Variants in SYT16 observed in about 807,000 individuals in gnomAD.
The protein encoded by SYT16 is synaptotagmin 16, also known as synaptotagmin-16.
A neutral mutation model predicts 61.4 loss-of-function variants in SYT16; 42 were observed. The ratio of observed to expected loss-of-function variants is 0.68; its 90% CI spans 0.53 to 0.89. SYT16 has a LOEUF of 0.89. Ranked by LOEUF, SYT16 falls within the 40% of genes least tolerant of loss-of-function variation. The pLI, the probability that SYT16 is intolerant of heterozygous loss-of-function variation, is 0.00. For missense variants in SYT16, 804 were observed against 807.3 expected, an observed-to-expected ratio of 1.00 and a Z score of 0.05; for synonymous variants, 314 against 302.3, an observed-to-expected ratio of 1.04 and a Z score of -0.40.
intron 3 of SYT16, among the ~76,000 whole-genome samples, chr14:62,051,405 C>T (rs1405223993): frequency 1.3e-5 from 2 of 152,240 alleles, no homozygotes; most frequent in African/African-American, 4.8e-5. Context: ...AATTCCCTGA[C>T]CCCTTGCACT....
At chr14:62,090,129 C>G (rs187553908) in intron 7 of SYT16, among the ~76,000 whole-genome samples, 144 of 152,330 alleles carry the variant, frequency 9.5e-4, no homozygotes, top group Non-Finnish European at 1.7e-3. Context: ...TTGACAGGTT[C>G]TCTTTCTCCA....
chr14:62,089,680 C>G (rs973451001), intron 7 of SYT16, among the ~76,000 whole-genome samples: 1 of 152,172 alleles, frequency 6.6e-6, no homozygotes, highest in Admixed American at 6.5e-5. Flanking sequence ...CAGCCATTTT[C>G]AAGGTGATGT....
intron 1 of SYT16, among the ~76,000 whole-genome samples, chr14:61,847,457 T>G (rs1229928789): frequency 6.6e-6 from 1 of 152,206 alleles, no homozygotes; most frequent in Non-Finnish European, 1.5e-5. Context: ...GTTAGTTGTT[T>G]CTTTTCTCTT....
At position 62,069,639 on chromosome 14, in the gene SYT16, C is replaced by G. The variant is rs1437782860; in HGVS notation, c.560C>G (p.Ser187Cys). The change falls in exon 4 of 8, where the codon TCT becomes TGT. Residue 187 changes from serine to cysteine, a missense_variant. Coordinates refer to ENST00000683842, the MANE Select transcript of SYT16 (RefSeq NM_001367656.1). ...GGGGATGACGAAGAGCTGTCCACAT[C>G]TTCTGACAGTGACGAGGAGGTGATC... ...SFGDDEELSTSSDSDEEVIKQ... is the reference protein window; with the variant it reads ...SFGDDEELSTCSDSDEEVIKQ... 1 of 1,613,982 alleles carries G rather than the reference C, an allele frequency of 6.2e-7. No homozygotes were observed. Among genetic ancestry groups the G allele is most frequent in the East Asian group, 2.2e-5 (1 of 44,882 alleles).
intron 1 of SYT16, among the ~76,000 whole-genome samples, chr14:61,918,155 G>C (rs1371736861): frequency 6.6e-6 from 1 of 152,134 alleles, no homozygotes; most frequent in African/African-American, 2.4e-5. Context: ...TGGCAGGAAG[G>C]CATTTTCAAA....
intron 1 of SYT16, among the ~76,000 whole-genome samples, chr14:61,927,894 C>T (rs1342864033): frequency 6.6e-6 from 1 of 152,126 alleles, no homozygotes; most frequent in Non-Finnish European, 1.5e-5. Flanking sequence ...TAGGTAGCCT[C>T]AATTGAATCA....
chr14:61,905,903 A>G (rs2048691504), intron 1 of SYT16, among the ~76,000 whole-genome samples: 1 of 152,014 alleles, frequency 6.6e-6, no homozygotes, highest in South Asian at 2.1e-4. Context: ...GACTATAGGC[A>G]TGTGCCACCA....
At position 61,971,427 on chromosome 14, in the gene SYT16, A is replaced by T. The variant is rs540523906; in HGVS notation, c.-145+1116A>T. On this transcript the variant is annotated intron_variant, in intron 2 of 7. Coordinates refer to ENST00000683842, the MANE Select transcript of SYT16 (RefSeq NM_001367656.1). ...CTGTGGTGTCAGAGTCCCCTCCAGG[A>T]TGGCAAAAGGCCTCAGATCAGATCC... Among the ~76,000 whole-genome samples, 344 of 152,288 alleles carry T rather than the reference A, an allele frequency of 2.3e-3. 1 individual carries two copies. Among genetic ancestry groups the T allele is most frequent in the South Asian group, 3.3e-3 (16 of 4,828 alleles).
At chr14:61,884,277 C>G (rs961784731) in intron 1 of SYT16, among the ~76,000 whole-genome samples, 1 of 152,134 alleles carries the variant, frequency 6.6e-6, no homozygotes, top group African/African-American at 2.4e-5. Flanking sequence ...ACCCAGCAAT[C>G]CATTCATCAG....
chr14:62,048,315 T>A (rs1443914363), intron 3 of SYT16, among the ~76,000 whole-genome samples: 2 of 152,246 alleles, frequency 1.3e-5, no homozygotes, highest in Non-Finnish European at 2.9e-5. Context: ...GTGGGATCAG[T>A]GGTGATATCC....
intron 3 of SYT16, among the ~76,000 whole-genome samples, chr14:62,063,599 G>A (rs548836648): frequency 1.7e-4 from 26 of 152,208 alleles, no homozygotes; most frequent in Admixed American, 1.1e-3. Context: ...CACTCTAGCC[G>A]TGGGTGATAC....
intron 1 of SYT16, among the ~76,000 whole-genome samples, chr14:61,887,241 C>T: frequency 6.6e-6 from 1 of 152,154 alleles, no homozygotes; most frequent in Non-Finnish European, 1.5e-5. Context: ...CAGTAGATCT[C>T]AACACTGGGC....
At chr14:62,100,326 A>T in intron 7 of SYT16, 68 bp from the exon 8 acceptor site, 1 of 1,342,032 alleles carries the variant, frequency 7.5e-7, no homozygotes. Context: ...TGTTACAGCT[A>T]GTCTAGCCAA....
At chr14:61,947,701 A>G (rs1266029173) in intron 1 of SYT16, among the ~76,000 whole-genome samples, 1 of 152,228 alleles carries the variant, frequency 6.6e-6, no homozygotes, top group South Asian at 2.1e-4. Flanking sequence ...GAATAATAAG[A>G]TGCCTTCTCT....
chr14:62,026,729 A>G (rs1174568857), intron 3 of SYT16, among the ~76,000 whole-genome samples: 2 of 152,222 alleles, frequency 1.3e-5, no homozygotes, highest in Non-Finnish European at 2.9e-5. Context: ...AGTATACCGC[A>G]TAGCATGTAG....
At chr14:61,864,993 G>A in intron 1 of SYT16, 1 of 1,398,524 alleles carries the variant, frequency 7.2e-7, no homozygotes, top group Non-Finnish European at 1.0e-6. Flanking sequence ...TCTTACAGTG[G>A]CAGCCTGTTG....
At chr14:61,917,071 A>G (rs1432163610) in intron 1 of SYT16, among the ~76,000 whole-genome samples, 2 of 152,140 alleles carry the variant, frequency 1.3e-5, no homozygotes, top group Non-Finnish European at 2.9e-5. Context: ...ATATCTCTTC[A>G]ACATACTGAT....
upstream of SYT16, chr14:61,812,391 G>T (rs1325931308): frequency 1.3e-5 from 2 of 152,400 alleles, no homozygotes; most frequent in Non-Finnish European, 2.9e-5. Flanking sequence ...GGATATAGCG[G>T]GAACGTTGTA....
intron 1 of SYT16, among the ~76,000 whole-genome samples, chr14:61,933,255 A>G (rs2049848244): frequency 6.6e-6 from 1 of 152,224 alleles, no homozygotes; most frequent in Non-Finnish European, 1.5e-5. Context: ...AGACAGACAC[A>G]AAGCTCCTTT....
Sources: allele counts gnomAD v4.1 joint callset (sites outside exome capture counted in the v4.1 genomes callset), GRCh38; gene constraint gnomAD v4.1.1; transcripts MANE v1.5; gene names NCBI Gene and HGNC (gene_info 2026-07-23, HGNC 2026-07-21).